Variants in SLC1A3 observed in about 807,000 individuals in gnomAD.
SLC1A3 encodes excitatory amino acid transporter 1.
SLC1A3 carries 21 observed loss-of-function variants against 48.1 expected under a neutral mutation model. The observed-to-expected ratio is 0.44, with a 90% CI of 0.31 to 0.63. SLC1A3 has a LOEUF of 0.63. SLC1A3 is among the 20% of genes least tolerant of loss of function. The pLI is 0.08. For synonymous variants in SLC1A3, 239 were observed against 251.4 expected, an observed-to-expected ratio of 0.95 and a Z score of 0.47; for missense variants, 546 against 689.0, an observed-to-expected ratio of 0.79 and a Z score of 2.32.
intron 9 of SLC1A3, among the ~76,000 whole-genome samples, 189 bp from the exon 10 acceptor site, chr5:36,685,876 T>C (rs1742622228): frequency 6.6e-6 from 1 of 152,254 alleles, no homozygotes; most frequent in African/African-American, 2.4e-5. Flanking sequence ...ACATTCATCA[T>C]CTATATGGCC....
upstream of SLC1A3, among the ~76,000 whole-genome samples, chr5:36,605,701 G>A (rs372642314): frequency 2.6e-5 from 4 of 152,082 alleles, no homozygotes; most frequent in African/African-American, 9.7e-5. Context: ...TTGGGAATAA[G>A]TCACCTCAAA....
At chr5:36,668,843 C>T (rs1181323760) in intron 3 of SLC1A3, 1 of 152,190 alleles carries the variant, frequency 6.6e-6, no homozygotes, top group Non-Finnish European at 1.5e-5. Context: ...ATAACTTTCC[C>T]TATCCCTCTC....
intron 3 of SLC1A3, among the ~76,000 whole-genome samples, chr5:36,647,609 A>C (rs1403784365): frequency 1.3e-5 from 2 of 152,222 alleles, no homozygotes; most frequent in African/African-American, 2.4e-5. Context: ...TTGTTTTGCC[A>C]TTCCACCTAT....
intron 5 of SLC1A3, among the ~76,000 whole-genome samples, chr5:36,675,079 C>T (rs1007067560): frequency 6.6e-5 from 10 of 152,180 alleles, no homozygotes; most frequent in African/African-American, 1.2e-4. Flanking sequence ...AATTCCCTAA[C>T]GCTTCTGCTT....
chr5:36,648,606 T>C (rs1740929589), intron 3 of SLC1A3, among the ~76,000 whole-genome samples: 1 of 152,214 alleles, frequency 6.6e-6, no homozygotes, highest in Non-Finnish European at 1.5e-5. Context: ...CTGGCCTTCT[T>C]GTGACACTGA....
intron 3 of SLC1A3, among the ~76,000 whole-genome samples, chr5:36,663,380 A>ATTTTTTTTTTTTTTTTTT (rs1156283585): frequency 0.011 from 774 of 69,330 alleles, no homozygotes; most frequent in East Asian, 0.019. Flanking sequence ...CACGCCCGGC[A>ATTTTTTTTTTTTTTTTTT]TTTTTTTTTT....
chr5:36,626,875 T>C (rs1261957906), intron 2 of SLC1A3, among the ~76,000 whole-genome samples: 2 of 152,208 alleles, frequency 1.3e-5, no homozygotes, highest in South Asian at 2.1e-4. Flanking sequence ...TCCAGGAAGA[T>C]TGAAAGTTAA....
intron 3 of SLC1A3, among the ~76,000 whole-genome samples, chr5:36,648,372 A>G (rs1740919904): frequency 6.6e-6 from 1 of 152,236 alleles, no homozygotes; most frequent in Non-Finnish European, 1.5e-5. Flanking sequence ...AATTTGGAAT[A>G]CGGTTCTTAA....
chr5:36,639,861 T>C (rs1187874543), intron 3 of SLC1A3, among the ~76,000 whole-genome samples: 1 of 152,170 alleles, frequency 6.6e-6, no homozygotes, highest in African/African-American at 2.4e-5. Flanking sequence ...CTCACAAACA[T>C]GAAGACCCCC....
intron 1 of SLC1A3, 114 bp from the exon 2 acceptor site, chr5:36,608,215 G>A (rs1340739219): frequency 1.8e-6 from 1 of 567,668 alleles, no homozygotes; most frequent in African/African-American, 1.9e-5. Context: ...TGGCTCTCCA[G>A]TCCTTGATTC....
chr5:36,670,857 C>T (rs2111928308), intron 3 of SLC1A3, 172 bp from the exon 4 acceptor site: 1 of 667,062 alleles, frequency 1.5e-6, no homozygotes, highest in Non-Finnish European at 2.7e-6. Flanking sequence ...CTAGCCTCGG[C>T]CTTTTCCCTT....
At chr5:36,681,635 T>TA (rs1742445399) in intron 8 of SLC1A3, among the ~76,000 whole-genome samples, 1 of 152,224 alleles carries the variant, frequency 6.6e-6, no homozygotes, top group East Asian at 1.9e-4. Context: ...CAACCAGTGT[T>TA]ACCTGCAAGT....
At chr5:36,613,874 C>A (rs1052668781) in intron 2 of SLC1A3, among the ~76,000 whole-genome samples, 4 of 152,004 alleles carry the variant, frequency 2.6e-5, no homozygotes, top group Admixed American at 2.0e-4. Flanking sequence ...TGTGCTTTAT[C>A]TTCTCCCCTG....
rs1375523687 is a variant in SLC1A3 at position 36,687,835 on chromosome 5, C to G, written c.*1566C>G. ...CAGGTTTAGAGATTAATTTTTACCC[C>G]CTAAGGAATATCCAGTCAAAGACGC... On this transcript the variant is annotated 3_prime_UTR_variant, in exon 10 of 10. Transcript: ENST00000265113. 6.6e-6 allele frequency: 1 copy of G among 152,552 alleles called. No individual in the cohort carries two copies. Among genetic ancestry groups the G allele is most frequent in the South Asian group, 2.1e-4 (1 of 4,818 alleles). 9.4% of individuals were successfully genotyped at this position (152,552 alleles called of 1,614,324 possible).
At chr5:36,684,442 G>A (rs1334013922) in intron 9 of SLC1A3, among the ~76,000 whole-genome samples, 3 of 152,194 alleles carry the variant, frequency 2.0e-5, no homozygotes, top group African/African-American at 7.2e-5. Context: ...GGGTGAGGCT[G>A]AGCTATGCCG....
Position 36,608,307 on chromosome 5 carries a change from GTC to G in SLC1A3, c.-95-18_-95-17del. 1 of 919,746 alleles carries G rather than the reference GTC, an allele frequency of 1.1e-6. No homozygotes were observed. Among genetic ancestry groups the G allele is most frequent in the Non-Finnish European group, 1.7e-6 (1 of 587,782 alleles). 57.0% of individuals were successfully genotyped at this position (919,746 alleles called of 1,614,324 possible). Reference sequence around the variant, plus strand: ...CTCACCCCTGGAGGCTATAACTCATGTCTCTTTTTCTCCCATTCTAGTTGTGT... The same window carrying G: ...CTCACCCCTGGAGGCTATAACTCATGTCTTTTTCTCCCATTCTAGTTGTGT... On this transcript the variant is annotated intron_variant, in intron 1 of 9. Transcript: ENST00000265113.
intron 3 of SLC1A3, among the ~76,000 whole-genome samples, chr5:36,634,576 A>G (rs1740263258): frequency 6.6e-6 from 1 of 152,196 alleles, no homozygotes; most frequent in Admixed American, 6.5e-5. Context: ...TCTAAAGACA[A>G]GAGCTCTTTG....
chr5:36,619,651 G>T (rs969394185), intron 2 of SLC1A3, among the ~76,000 whole-genome samples: 2 of 152,144 alleles, frequency 1.3e-5, no homozygotes, highest in African/African-American at 4.8e-5. Flanking sequence ...ATGTCCAACA[G>T]CTTCATCAAA....
At chr5:36,648,798 G>A (rs1275504309) in intron 3 of SLC1A3, among the ~76,000 whole-genome samples, 2 of 152,116 alleles carry the variant, frequency 1.3e-5, no homozygotes, top group African/African-American at 4.8e-5. Flanking sequence ...GAAGGTGTAA[G>A]ATTTTGATCT....
Sources: allele counts gnomAD v4.1 joint callset (sites outside exome capture counted in the v4.1 genomes callset), GRCh38; gene constraint gnomAD v4.1.1; transcripts MANE v1.5; gene names NCBI Gene and HGNC (gene_info 2026-07-23, HGNC 2026-07-21).